The following PPP1R9A variants were observed in gnomAD, a reference collection of about 807,000 sequenced individuals.
PPP1R9A encodes the protein protein phosphatase 1 regulatory subunit 9A.
In PPP1R9A, 59 loss-of-function variants were observed where a neutral mutation model predicts 141.9. The ratio of observed to expected loss-of-function variants is 0.42; its 90% CI spans 0.34 to 0.52. The LOEUF (loss-of-function observed/expected upper bound fraction) is 0.52, where lower values mean the gene tolerates loss of function less well. Ranked by LOEUF, PPP1R9A falls within the 20% of genes least tolerant of loss-of-function variation. The probability of loss-of-function intolerance (pLI) is 0.10; values close to 1 mark genes in which losing one functional copy is unlikely to be tolerated. For synonymous variants in PPP1R9A, 500 were observed against 569.7 expected (o/e 0.88, Z 1.74); for missense variants, 1,444 against 1,611.9 (o/e 0.90, Z 1.78).
At chr7:94,922,072 TAA>T (rs1237877525) in intron 2 of PPP1R9A, among the ~76,000 whole-genome samples, 1 of 149,808 alleles carries the variant, frequency 6.7e-6, no homozygotes, top group African/African-American at 2.4e-5. Context: ...GATAGATTCC[TAA>T]AAAAATATAA....
intron 2 of PPP1R9A, among the ~76,000 whole-genome samples, chr7:95,005,628 T>A (rs1003620528): frequency 6.6e-6 from 1 of 152,180 alleles, no homozygotes; most frequent in African/African-American, 2.4e-5. Flanking sequence ...AAGTTCAATT[T>A]TCAGCTCATT....
chr7:95,207,227 G>GA (rs996923859), intron 7 of PPP1R9A, among the ~76,000 whole-genome samples: 2 of 150,520 alleles, frequency 1.3e-5, no homozygotes, highest in African/African-American at 2.4e-5. Context: ...GGGAGGAAAA[G>GA]AAAAAAAAGA....
intron 2 of PPP1R9A, among the ~76,000 whole-genome samples, chr7:95,095,773 T>G (rs1365524426): frequency 6.6e-6 from 1 of 152,218 alleles, no homozygotes; most frequent in Non-Finnish European, 1.5e-5. Context: ...GAGTCTAATC[T>G]TAGGTTTACA....
intron 7 of PPP1R9A, among the ~76,000 whole-genome samples, chr7:95,218,026 TTG>T (rs761991876): frequency 5.3e-5 from 8 of 152,198 alleles, no homozygotes; most frequent in Non-Finnish European, 1.0e-4. Context: ...TTGAATGTGT[TTG>T]CTCTTGCTTC....
chr7:95,263,497 C>T (rs976357537), intron 12 of PPP1R9A, among the ~76,000 whole-genome samples: 3 of 151,918 alleles, frequency 2.0e-5, no homozygotes, highest in South Asian at 2.1e-4. Context: ...TGCAGTGGCC[C>T]GATCTTGGCT....
chr7:94,983,377 G>A (rs746808612), intron 2 of PPP1R9A, among the ~76,000 whole-genome samples: 26 of 152,242 alleles, frequency 1.7e-4, no homozygotes, highest in African/African-American at 4.8e-4. Context: ...AAAGTCATTG[G>A]TAGCTTGATG....
chr7:95,064,604 T>C (rs1488058492), intron 2 of PPP1R9A, among the ~76,000 whole-genome samples: 2 of 152,216 alleles, frequency 1.3e-5, no homozygotes, highest in Admixed American at 6.5e-5. Context: ...AACGTGCCCA[T>C]TGGGCAACTC....
At chr7:95,021,410 A>G (rs1040881510) in intron 2 of PPP1R9A, among the ~76,000 whole-genome samples, 4 of 151,222 alleles carry the variant, frequency 2.6e-5, no homozygotes, top group African/African-American at 7.3e-5. Flanking sequence ...ATTTTCTCCC[A>G]TTCTGTAGGT....
intron 2 of PPP1R9A, among the ~76,000 whole-genome samples, chr7:94,962,961 C>A (rs1468944220): frequency 1.3e-5 from 2 of 152,060 alleles, no homozygotes; most frequent in Admixed American, 1.3e-4. Flanking sequence ...CCTGTTCATA[C>A]ATGCTTTATC....
At chr7:95,134,740 T>C (rs1271645802) in intron 4 of PPP1R9A, among the ~76,000 whole-genome samples, 1 of 152,234 alleles carries the variant, frequency 6.6e-6, no homozygotes. Context: ...CGGCCTATGT[T>C]AGACTCTTGA....
intron 2 of PPP1R9A, among the ~76,000 whole-genome samples, chr7:94,934,224 G>A (rs1347766346): frequency 6.6e-6 from 1 of 152,162 alleles, no homozygotes; most frequent in African/African-American, 2.4e-5. Context: ...TATGAGCAGA[G>A]GAGAGCACTA....
At position 94,910,452 on chromosome 7, in the gene PPP1R9A, T is replaced by G; in HGVS notation, c.339T>G (p.Val113=). ...TTCTGGAAAAAACAGATGGCTCAGT[T>G]GTTAAGTTGGAGTCTTCTGTTTCTG... ...KEFLEKTDGS[V]VKLESSVSER... Residue 113 remains valine, a synonymous_variant, in exon 2 of 20, where the codon GTT becomes GTG. Transcript: ENST00000433360. This position sits in a 1 kb window ranked among gnomAD's most constrained non-coding sequence, Gnocchi z 4.5. 1 of 1,614,134 alleles carries G rather than the reference T, an allele frequency of 6.2e-7. No individual in the cohort carries two copies.
chr7:94,982,836 C>G (rs1025855039), intron 2 of PPP1R9A, among the ~76,000 whole-genome samples: 7 of 151,654 alleles, frequency 4.6e-5, no homozygotes, highest in African/African-American at 1.5e-4. Flanking sequence ...TTAATTAGAT[C>G]CCATTTTGGC....
At chr7:95,230,089 G>A (rs1795708220) in intron 8 of PPP1R9A, among the ~76,000 whole-genome samples, 1 of 152,130 alleles carries the variant, frequency 6.6e-6, no homozygotes, top group African/African-American at 2.4e-5. Flanking sequence ...CAGCTCTCAG[G>A]AAACCCCATT....
chr7:94,963,448 C>T (rs979887698), intron 2 of PPP1R9A, among the ~76,000 whole-genome samples: 1 of 152,162 alleles, frequency 6.6e-6, no homozygotes, highest in South Asian at 2.1e-4. Context: ...TTTCCATCAC[C>T]CCATCCCTGG....
intron 12 of PPP1R9A, among the ~76,000 whole-genome samples, chr7:95,268,234 C>T (rs1309659107): frequency 6.6e-6 from 1 of 152,042 alleles, no homozygotes; most frequent in Non-Finnish European, 1.5e-5. Context: ...ATCTAACTTC[C>T]CAACATGCAT....
At chr7:94,926,469 A>G (rs548248889) in intron 2 of PPP1R9A, among the ~76,000 whole-genome samples, 1 of 152,342 alleles carries the variant, frequency 6.6e-6, no homozygotes, top group South Asian at 2.1e-4. Context: ...TTGAGATTCC[A>G]TCAGAAAGTT....
chr7:94,990,664 A>G (rs180732316), intron 2 of PPP1R9A, among the ~76,000 whole-genome samples: 1 of 152,114 alleles, frequency 6.6e-6, no homozygotes, highest in African/African-American at 2.4e-5. Context: ...ATCTAGCTGT[A>G]ATTTTGTATT....
chr7:95,003,646 A>G (rs1803232703), intron 2 of PPP1R9A, among the ~76,000 whole-genome samples: 2 of 152,180 alleles, frequency 1.3e-5, no homozygotes, highest in Admixed American at 1.3e-4. Flanking sequence ...TATTTGACCT[A>G]TAATGCTGGT....
Sources: gnomAD v4.1 joint callset for allele counts (sites outside exome capture counted in the v4.1 genomes callset) on GRCh38, gnomAD v4.1.1 for gene constraint, Gnocchi (gnomAD v3.1) non-coding constraint, MANE v1.5 for transcripts, NCBI Gene and HGNC (gene_info 2026-07-23, HGNC 2026-07-21) for gene names.